RBM23: variants seen among roughly 807,000 people sequenced by gnomAD.
RBM23 encodes probable RNA-binding protein 23.
Under a neutral mutation model 56.2 loss-of-function variants are expected in RBM23, and 53 were observed. That is an observed-to-expected ratio of 0.94 (90% CI 0.76 to 1.19). RBM23 has a LOEUF of 1.19. RBM23 is among the 50% of genes most tolerant of loss of function. RBM23 has a pLI of 0.00. For synonymous variants in RBM23, 197 were observed against 198.5 expected (o/e 0.99, Z 0.06); for missense variants, 642 against 590.3 (o/e 1.09, Z -0.91).
chr14:22,903,424 C>T (rs974010648), intron 10 of RBM23: 2 of 985,334 alleles, frequency 2.0e-6, no homozygotes, highest in South Asian at 9.4e-5. Context: ...CTTGCCACCA[C>T]AGAATTGTCA....
chr14:22,906,071 T>C (rs1424789100), intron 5 of RBM23, 124 bp downstream of exon 5: 11 of 1,185,922 alleles, frequency 9.3e-6, no homozygotes, highest in African/African-American at 1.5e-5. Flanking sequence ...CAACCCTTTC[T>C]GTGCCTGAGT....
At chr14:22,914,323 C>CA (rs1176405918) in intron 1 of RBM23, among the ~76,000 whole-genome samples, 53,696 of 87,598 alleles carry the variant, frequency 0.61, 15,576 homozygotes, top group South Asian at 0.73. Flanking sequence ...GACTCTGTCT[C>CA]AAAAAAAAAA....
Position 22,911,476 on chromosome 14 carries a change from T to C in RBM23, c.-10-73A>G. 3.2e-6 allele frequency: 4 copies of C among 1,262,822 alleles called. No homozygotes were observed. The South Asian group carries it at 5.0e-5, about 16-fold the overall frequency. 78.2% of individuals were successfully genotyped at this position (1,262,822 alleles called of 1,614,324 possible). A position where few individuals can be genotyped will look rare whatever the true frequency, so the allele number is the denominator to read the frequency against. On this transcript the variant is annotated intron_variant, in intron 1 of 13. Coordinates refer to ENST00000359890, the MANE Select transcript of RBM23 (RefSeq NM_001077351.2). ...CCCTTTCCAGCACCACACATTTCTT[T>C]CCCACTCCAAGAAAGAGACTTCAGG...
intron 1 of RBM23, 156 bp from the exon 2 acceptor site, chr14:22,911,559 T>TA (rs2042525305): frequency 3.5e-6 from 2 of 566,022 alleles, no homozygotes; most frequent in African/African-American, 1.9e-5. Context: ...AGCTGTCACT[T>TA]ACTCTAGGTT....
At chr14:22,904,464 A>G (rs1170755837) in intron 9 of RBM23, 138 bp from the exon 10 acceptor site, 2 of 732,194 alleles carry the variant, frequency 2.7e-6, no homozygotes, top group Admixed American at 3.0e-5. Context: ...TGACAGAGTG[A>G]GACCTTGTCT....
At position 22,905,350 on chromosome 14, in the gene RBM23, AG is replaced by A. The variant is rs1357489040; in HGVS notation, c.558del (p.Ser187LeufsTer3). 6.2e-7 allele frequency: 1 copy of A among 1,614,162 alleles called. No individual in the cohort carries two copies. On this transcript the variant is annotated frameshift_variant, in exon 7 of 14. Coordinates refer to ENST00000359890, the MANE Select transcript of RBM23 (RefSeq NM_001077351.2). LOFTEE classifies it high-confidence loss of function. ...GGGAGGGTTACCTTGCCTACAGCAG[AG>A]AAAAAGTCCTCCAGATCTCGAGGCC... ...RIRPRDLEDFFSAVGKVRDVR... is the reference protein window; with the variant it reads ...RIRPRDLEDFXSAVGKVRDVR...
At chr14:22,906,442 T>C (rs2041576165) in intron 4 of RBM23, 74 bp from the exon 5 acceptor site, 4 of 1,534,672 alleles carry the variant, frequency 2.6e-6, no homozygotes, top group Non-Finnish European at 3.6e-6. Flanking sequence ...ACAACAGTGG[T>C]CCCATAAGAT....
chr14:22,906,802 G>T (rs971901936), intron 4 of RBM23, among the ~76,000 whole-genome samples: 10 of 151,702 alleles, frequency 6.6e-5, no homozygotes, highest in Admixed American at 5.9e-4. Context: ...ACTTTGGGAG[G>T]CCAAGGCGGG....
intron 1 of RBM23, among the ~76,000 whole-genome samples, chr14:22,915,344 G>A (rs1035345272): frequency 1.3e-4 from 20 of 151,734 alleles, no homozygotes; most frequent in Admixed American, 2.0e-4. Context: ...GGGATTACAG[G>A]CATGCGCCAC....
chr14:22,900,867 A>G lies in RBM23; in HGVS notation c.*863T>C, dbSNP rs1362250864. The G allele has an allele frequency of 6.6e-6, 1 of 152,158 alleles. No homozygotes were observed. The highest frequency in any genetic ancestry group is 2.4e-5 in the African/African-American group (1 of 41,428). 9.4% of individuals were successfully genotyped at this position (152,158 alleles called of 1,614,324 possible). A position where few individuals can be genotyped will look rare whatever the true frequency, so the allele number is the denominator to read the frequency against. On this transcript the variant is annotated 3_prime_UTR_variant, in exon 14 of 14. Transcript: ENST00000359890. ...AGAAGGGCTCACACATGCCCAGGTA[A>G]GGGATGGGAGTAGCTATAATTGCCA...
At chr14:22,906,459 G>A (rs2041579733) in intron 4 of RBM23, 91 bp from the exon 5 acceptor site, 6 of 1,450,900 alleles carry the variant, frequency 4.1e-6, no homozygotes, top group South Asian at 2.5e-5. Flanking sequence ...AGATTATAAC[G>A]GTGCTGAGAA....
rs778568245 is a variant in RBM23 at position 22,909,617 on chromosome 14, T to C, written c.67-22A>G. On this transcript the variant is annotated intron_variant, in intron 2 of 13. Transcript: ENST00000359890. Reference sequence around the variant, plus strand: ...CATCCTGAGGCATTCACCAGGAAAATGTCACAAGGTATAAGGTGGCAGACA... The same window carrying C: ...CATCCTGAGGCATTCACCAGGAAAACGTCACAAGGTATAAGGTGGCAGACA... The C allele has an allele frequency of 2.5e-6, 4 of 1,578,162 alleles. No homozygotes were observed. The East Asian group carries it at 9.0e-5, about 35-fold the overall frequency.
At chr14:22,907,157 G>C (rs945452915) in intron 4 of RBM23, among the ~76,000 whole-genome samples, 1 of 150,792 alleles carries the variant, frequency 6.6e-6, no homozygotes, top group African/African-American at 2.4e-5. Context: ...CTGGGCAACA[G>C]AGTGAGACTC....
chr14:22,914,524 T>C (rs1200092765), intron 1 of RBM23, among the ~76,000 whole-genome samples: 1 of 151,934 alleles, frequency 6.6e-6, no homozygotes, highest in Non-Finnish European at 1.5e-5. Flanking sequence ...TTGGGAGTGA[T>C]GGTTTCACGG....
At chr14:22,910,809 A>G (rs1594355100) in intron 2 of RBM23, among the ~76,000 whole-genome samples, 2 of 152,202 alleles carry the variant, frequency 1.3e-5, no homozygotes, top group Admixed American at 6.5e-5. Flanking sequence ...TCAGGAGATC[A>G]AGACCATCCT....
intron 9 of RBM23, 80 bp downstream of exon 9, chr14:22,904,795 A>G: frequency 6.3e-7 from 1 of 1,582,274 alleles, no homozygotes. Context: ...ACGGCCAGGC[A>G]CAACAGAGAA....
rs2040275071 is a variant in RBM23, at chr14:22,897,969, T to C, written c.*3761A>G. 6.6e-6 allele frequency: 1 copy of C among 152,252 alleles called. No homozygotes were observed. Among genetic ancestry groups the C allele is most frequent in the African/African-American group, 2.4e-5 (1 of 41,456 alleles). The allele number at this position is 152,252 out of a possible 1,614,324, so 9.4% of individuals were successfully genotyped here. On this transcript the variant is annotated 3_prime_UTR_variant, in exon 14 of 14. Transcript: ENST00000359890. ...TAACCTACAACCAACCTTGCATAAATGTTAACAATGACCATTATGCCACCT... is the reference window on the plus strand; with the variant it reads ...TAACCTACAACCAACCTTGCATAAACGTTAACAATGACCATTATGCCACCT...
In RBM23 at chr14:22,909,479, T is replaced by C. The variant is rs767330686; in HGVS notation, c.179+4A>G. On this transcript the variant is annotated splice_donor_region_variant and intron_variant, in intron 3 of 13. Transcript: ENST00000359890. ...GCCAACCCATTTCTTCCTCCCACAC[T>C]CACTTGCTTGTCTCCCCGATGGTGC... 1.9e-6 allele frequency: 3 copies of C among 1,611,664 alleles called. No individual in the cohort carries two copies. In the South Asian group the frequency reaches 3.3e-5, roughly 18 times the overall value.
At chr14:22,902,516 A>T in intron 10 of RBM23, 134 bp from the exon 11 acceptor site, 1 of 1,426,338 alleles carries the variant, frequency 7.0e-7, no homozygotes, top group Non-Finnish European at 9.2e-7. Flanking sequence ...TTTCCCAGAA[A>T]ATATGACCTA....
Sources: allele counts gnomAD v4.1 joint callset (sites outside exome capture counted in the v4.1 genomes callset), GRCh38; gene constraint gnomAD v4.1.1; transcripts MANE v1.5; gene names NCBI Gene and HGNC (gene_info 2026-07-23, HGNC 2026-07-21).